The following ZNF469 variants were observed in gnomAD, a reference collection of about 807,000 sequenced individuals.
The protein encoded by ZNF469 is zinc finger protein 469.
Under a neutral mutation model 1.0 loss-of-function variants are expected in ZNF469, and 1 was observed. That is an observed-to-expected ratio of 1.00 (90% CI 0.35 to 4.73). The LOEUF is 4.73. ZNF469 is among the 30% of genes most tolerant of loss of function. ZNF469 has a pLI of 0.16. For synonymous variants in ZNF469, 2,703 were observed against 2,363.4 expected, an observed-to-expected ratio of 1.14 and a Z score of -4.17; for missense variants, 6,100 against 5,356.3, an observed-to-expected ratio of 1.14 and a Z score of -4.33.
the ZNF469 span, among the ~76,000 whole-genome samples, chr16:88,300,557 C>T: frequency 5.3e-5 from 8 of 152,094 alleles, no homozygotes; most frequent in South Asian, 2.1e-4. Flanking sequence ...GCGCTTCTCT[C>T]GGTGGCTCCA....
At chr16:88,193,974 C>T in the ZNF469 span, among the ~76,000 whole-genome samples, 1 of 152,206 alleles carries the variant, frequency 6.6e-6, no homozygotes. Flanking sequence ...TTCCTAATCC[C>T]ATCACTTTGA....
At chr16:88,255,170 G>A in the ZNF469 span, among the ~76,000 whole-genome samples, 8 of 152,194 alleles carry the variant, frequency 5.3e-5, no homozygotes, top group Admixed American at 5.2e-4. Context: ...ATTCACAGTT[G>A]GGCTGTGGGT....
the ZNF469 span, among the ~76,000 whole-genome samples, chr16:88,373,019 A>T: frequency 6.6e-6 from 1 of 152,212 alleles, no homozygotes; most frequent in Non-Finnish European, 1.5e-5. Flanking sequence ...CTTCACCATC[A>T]TCGCCATCAT....
At chr16:88,259,563 T>G in the ZNF469 span, among the ~76,000 whole-genome samples, 3 of 152,116 alleles carry the variant, frequency 2.0e-5, no homozygotes. The surrounding 1 kb of genome is among the most constrained non-coding windows in gnomAD (Gnocchi z 4.1). Context: ...TGGGGGCCTG[T>G]CCAGCCTCCA....
chr16:88,234,804 C>T, the ZNF469 span: 1 of 152,254 alleles, frequency 6.6e-6, no homozygotes, highest in Non-Finnish European at 1.5e-5. Flanking sequence ...CTAGGCCAGG[C>T]CTCGTTCCCA....
At chr16:88,184,978 C>T in the ZNF469 span, among the ~76,000 whole-genome samples, 2 of 152,122 alleles carry the variant, frequency 1.3e-5, no homozygotes, top group Non-Finnish European at 2.9e-5. Flanking sequence ...GCAAGACTTA[C>T]ATATTCACAC....
the ZNF469 span, among the ~76,000 whole-genome samples, chr16:88,326,009 C>T: frequency 6.6e-6 from 1 of 152,246 alleles, no homozygotes; most frequent in African/African-American, 2.4e-5. Flanking sequence ...TGCGCCCCCT[C>T]CCCACTCCCA....
chr16:88,316,255 A>G, the ZNF469 span, among the ~76,000 whole-genome samples: 1 of 152,182 alleles, frequency 6.6e-6, no homozygotes, highest in East Asian at 1.9e-4. Flanking sequence ...CGTACCTTTT[A>G]TACCTTGGGC....
At chr16:88,346,397 C>G in the ZNF469 span, among the ~76,000 whole-genome samples, 7 of 152,374 alleles carry the variant, frequency 4.6e-5, no homozygotes, top group Admixed American at 2.6e-4. Context: ...AACTCCAGGT[C>G]GGCTGCCCGG....
the ZNF469 span, among the ~76,000 whole-genome samples, chr16:88,228,446 A>C: frequency 6.6e-6 from 1 of 152,356 alleles, no homozygotes; most frequent in South Asian, 2.1e-4. Flanking sequence ...GATAAGCCCT[A>C]TAGCAGCCCT....
rs945782310 is a variant in ZNF469, at chr16:88,383,159, A to G, written c.-287A>G. ...CCCGGGCGGGCCTGCGGTCGGGATG[A>G]GGACGGCGCCTCCGCTGCAGAGCGC... On this transcript the variant is annotated 5_prime_UTR_variant, in exon 1 of 3. Transcript: ENST00000565624. Among the ~76,000 whole-genome samples the G allele has an allele frequency of 5.5e-4, 81 of 147,830 alleles. No homozygotes were observed. Among genetic ancestry groups the G allele is most frequent in the African/African-American group, 1.9e-3 (78 of 40,988 alleles).
the ZNF469 span, among the ~76,000 whole-genome samples, chr16:88,281,625 C>T: frequency 4.3e-3 from 528 of 123,914 alleles, no homozygotes; most frequent in Middle Eastern, 0.071. Context: ...TGTGCCACAC[C>T]GATGCTTGGT....
chr16:88,258,830 A>G, the ZNF469 span, among the ~76,000 whole-genome samples: 2 of 152,210 alleles, frequency 1.3e-5, no homozygotes, highest in African/African-American at 2.4e-5. Flanking sequence ...TAATCCTTCT[A>G]CACAGATGTT....
At chr16:88,387,448 C>T (rs1904368000) in intron 1 of ZNF469, among the ~76,000 whole-genome samples, 1 of 152,200 alleles carries the variant, frequency 6.6e-6, no homozygotes, top group Admixed American at 6.5e-5. Flanking sequence ...TTCTTCAAAG[C>T]ATGCCCCACC....
chr16:88,188,900 G>A, the ZNF469 span, among the ~76,000 whole-genome samples: 1 of 152,092 alleles, frequency 6.6e-6, no homozygotes. Context: ...TTCTGCATTT[G>A]TGTCACTACC....
upstream of ZNF469, among the ~76,000 whole-genome samples, chr16:88,381,228 A>T (rs1484042632): frequency 4.1e-5 from 6 of 144,678 alleles, no homozygotes; most frequent in African/African-American, 7.9e-5. Flanking sequence ...ACATGCACTC[A>T]CACACGCACT....
chr16:88,281,339 G>T, the ZNF469 span, among the ~76,000 whole-genome samples: 1 of 150,886 alleles, frequency 6.6e-6, no homozygotes, highest in South Asian at 2.1e-4. Context: ...CGGTGCACAG[G>T]TTAGTGCTGT....
At chr16:88,114,257 G>GGGCC in the ZNF469 span, among the ~76,000 whole-genome samples, 3 of 140,850 alleles carry the variant, frequency 2.1e-5, 1 homozygote, top group African/African-American at 5.3e-5. Flanking sequence ...CTCACTGCGG[G>GGGCC]TGTCTCCGGG....
the ZNF469 span, among the ~76,000 whole-genome samples, chr16:88,290,201 G>A: frequency 2.0e-5 from 3 of 152,250 alleles, no homozygotes; most frequent in Non-Finnish European, 4.4e-5. Flanking sequence ...CTGCACCACT[G>A]TCGCGGCATC....
Sources: allele counts gnomAD v4.1 joint callset (sites outside exome capture counted in the v4.1 genomes callset), GRCh38; gene constraint gnomAD v4.1.1; non-coding constraint Gnocchi (gnomAD v3.1); transcripts MANE v1.5; gene names NCBI Gene and HGNC (gene_info 2026-07-23, HGNC 2026-07-21).